The following PCLO variants were observed in gnomAD, a reference collection of about 807,000 sequenced individuals.
PCLO encodes the protein protein piccolo.
In PCLO, 82 loss-of-function variants were observed where a neutral mutation model predicts 427.5. The observed-to-expected ratio is 0.19, with a 90% CI of 0.16 to 0.23. The LOEUF (loss-of-function observed/expected upper bound fraction) is 0.23. Ranked by LOEUF, PCLO falls within the 10% of genes least tolerant of loss-of-function variation. PCLO has a pLI of 1.00. For missense variants in PCLO, 6,239 were observed against 6,115.9 expected (o/e 1.02, Z -0.67); for synonymous variants, 2,357 against 2,155.4 (o/e 1.09, Z -2.59).
chr7:82,998,856 T>C (rs1211458035), intron 3 of PCLO, among the ~76,000 whole-genome samples: 2 of 151,720 alleles, frequency 1.3e-5, no homozygotes, highest in African/African-American at 4.8e-5. Flanking sequence ...GAACCAGGCA[T>C]GGCAGAATGT....
chr7:82,789,121 C>A (rs1199314174), intron 22 of PCLO, among the ~76,000 whole-genome samples: 1 of 151,972 alleles, frequency 6.6e-6, no homozygotes, highest in Non-Finnish European at 1.5e-5. Flanking sequence ...AAATCTCAAT[C>A]TGAGACTGTT....
At chr7:82,789,464 G>C (rs1439088584) in intron 22 of PCLO, among the ~76,000 whole-genome samples, 2 of 152,138 alleles carry the variant, frequency 1.3e-5, no homozygotes, top group Non-Finnish European at 2.9e-5. Flanking sequence ...CCAGCATTTT[G>C]GGAGACTGAG....
At chr7:82,784,950 A>G (rs1462522339) in intron 22 of PCLO, among the ~76,000 whole-genome samples, 1 of 152,224 alleles carries the variant, frequency 6.6e-6, no homozygotes, top group Non-Finnish European at 1.5e-5. Flanking sequence ...AGAAATAAAT[A>G]TATTGCCTCC....
chr7:82,951,098 T>A lies in PCLO; in HGVS notation c.9490A>T (p.Ser3164Cys). 1 of 1,613,828 alleles carries A rather than the reference T, an allele frequency of 6.2e-7. No individual in the cohort carries two copies. The highest frequency in any genetic ancestry group is 8.5e-7 in the Non-Finnish European group (1 of 1,179,788). The change falls in exon 6 of 25, where the codon AGT (serine) becomes TGT (cysteine). Residue 3164 changes from serine to cysteine, a missense_variant. Transcript: ENST00000333891. ...IAVTGIDISA[S>C]LQTITMESLT... ...GACTCCATAGTAATAGTTTGCAAAC[T>A]GGCACTGATATCAATACCAGTTACT...
chr7:82,825,552 G>T (rs1458162661), intron 18 of PCLO, among the ~76,000 whole-genome samples: 2 of 151,014 alleles, frequency 1.3e-5, no homozygotes, highest in South Asian at 2.1e-4. Context: ...ATTTTTTGGA[G>T]ATTATTTTTA....
At chr7:83,106,047 C>T (rs1009025823) in intron 3 of PCLO, among the ~76,000 whole-genome samples, 4 of 152,344 alleles carry the variant, frequency 2.6e-5, no homozygotes, top group Non-Finnish European at 5.9e-5. Context: ...ATAGGACCCA[C>T]ACTAAAGAGA....
chr7:83,044,368 C>G (rs1026827912), intron 3 of PCLO, among the ~76,000 whole-genome samples: 2 of 152,124 alleles, frequency 1.3e-5, no homozygotes, highest in Non-Finnish European at 2.9e-5. Flanking sequence ...AGAAAAATAA[C>G]ACAATTATTT....
intron 8 of PCLO, among the ~76,000 whole-genome samples, chr7:82,906,016 TAGA>T (rs1456906931): frequency 7.0e-6 from 1 of 142,436 alleles, no homozygotes; most frequent in African/African-American, 2.9e-5. Context: ...TATAGATAGA[TAGA>T]TAGATAGATA....
Position 82,970,319 on chromosome 7 carries a change from T to C in PCLO, c.3301-3832A>G, listed in dbSNP as rs568776703. Among the ~76,000 whole-genome samples the C allele has an allele frequency of 4.6e-5, 7 of 152,074 alleles. 1 individual carries two copies. The South Asian group carries it at 1.4e-3, about 31-fold the overall frequency. ...TTTTGTAGAAGAAACTGTAATCCAGTGAAGGTTTCTGTAAAGGAGTAAAAT... is the reference window on the plus strand; with the variant it reads ...TTTTGTAGAAGAAACTGTAATCCAGCGAAGGTTTCTGTAAAGGAGTAAAAT... On this transcript the variant is annotated intron_variant, in intron 3 of 24. Coordinates refer to ENST00000333891, the MANE Select transcript of PCLO (RefSeq NM_033026.6).
In PCLO at chr7:82,915,269, A is replaced by G. The variant is rs754746592; in HGVS notation, c.12717T>C (p.Asp4239=). 1.9e-6 allele frequency: 3 copies of G among 1,613,498 alleles called. No homozygotes were observed. Among genetic ancestry groups the G allele is most frequent in the Non-Finnish European group, 2.5e-6 (3 of 1,179,746 alleles). ...TTTTTCTGAGGCCAAAAGTGATGTCATCTTGAAGGAGCCTTGCCCTGGAGG... is the reference window on the plus strand; with the variant it reads ...TTTTTCTGAGGCCAAAAGTGATGTCGTCTTGAAGGAGCCTTGCCCTGGAGG... ...GISSRARLLQ[D]DITFGLRKNI... is the part of the protein sequence containing the mutation. The change falls in exon 7 of 25, where the codon GAT becomes GAC. Residue 4239 remains aspartate, a synonymous_variant. Coordinates refer to ENST00000333891, the MANE Select transcript of PCLO (RefSeq NM_033026.6).
intron 14 of PCLO, 132 bp from the exon 15 acceptor site, chr7:82,838,474 C>T (rs1792284647): frequency 1.8e-6 from 1 of 567,722 alleles, no homozygotes; most frequent in Non-Finnish European, 3.0e-6. Context: ...TATTTGAAAC[C>T]AAACAGACCA....
chr7:83,127,412 C>T (rs755373722), intron 3 of PCLO, among the ~76,000 whole-genome samples: 38 of 151,896 alleles, frequency 2.5e-4, no homozygotes, highest in Non-Finnish European at 4.4e-4. Flanking sequence ...TAAAAACAAG[C>T]AAAAATCATT....
intron 12 of PCLO, among the ~76,000 whole-genome samples, chr7:82,846,273 G>A (rs2073349859): frequency 6.6e-6 from 1 of 152,086 alleles, no homozygotes; most frequent in African/African-American, 2.4e-5. Flanking sequence ...TTCACAGGAT[G>A]AATTCATATT....
chr7:82,968,337 A>AT (rs1795825683), intron 3 of PCLO, among the ~76,000 whole-genome samples: 1 of 152,118 alleles, frequency 6.6e-6, no homozygotes, highest in Non-Finnish European at 1.5e-5. Context: ...TATAAAAGTC[A>AT]TTGGAAAGAA....
rs183128507 is a variant in PCLO, at chr7:82,987,982, A to C, written c.3301-21495T>G. ...AAAACATGGAGACAGCATATTATCA[A>C]ACACCTAAGTTAAACTGATTAGATT... On this transcript the variant is annotated intron_variant, in intron 3 of 24. Coordinates refer to ENST00000333891, the MANE Select transcript of PCLO (RefSeq NM_033026.6). Among the ~76,000 whole-genome samples the C allele has an allele frequency of 1.4e-4, 21 of 152,276 alleles. No individual in the cohort carries two copies. The East Asian group carries it at 3.9e-3, about 28-fold the overall frequency.
intron 24 of PCLO, among the ~76,000 whole-genome samples, chr7:82,760,299 G>T (rs182874668): frequency 1.1e-3 from 168 of 151,996 alleles, no homozygotes; most frequent in African/African-American, 3.8e-3. Context: ...ATGAACTAAA[G>T]GGATAAGGCA....
At chr7:82,966,678 A>G (rs1398277863) in intron 3 of PCLO, among the ~76,000 whole-genome samples, 191 bp from the exon 4 acceptor site, 4 of 152,140 alleles carry the variant, frequency 2.6e-5, no homozygotes, top group Non-Finnish European at 5.9e-5. Flanking sequence ...TGAACTGTAA[A>G]ACTGTATAGA....
chr7:82,879,489 A>C lies in PCLO; in HGVS notation c.13529-27T>G, dbSNP rs769388313. ...TGTATTAAACAATTAGCAAATTATT[A>C]GTACTAATTTAAGAAGGGACAATAG... On this transcript the variant is annotated intron_variant, in intron 9 of 24. Transcript: ENST00000333891. The C allele has an allele frequency of 2.6e-6, 4 of 1,520,976 alleles. No homozygotes were observed. The Admixed American group carries it at 7.5e-5, about 29-fold the overall frequency. 94.2% of individuals were successfully genotyped at this position (1,520,976 alleles called of 1,614,324 possible).
At chr7:82,936,232 CAATAG>C in intron 6 of PCLO, among the ~76,000 whole-genome samples, 1 of 151,434 alleles carries the variant, frequency 6.6e-6, no homozygotes, top group East Asian at 1.9e-4. Flanking sequence ...TCTTTGACCA[CAATAG>C]AATGAAGGTA....
Sources: gnomAD v4.1 joint callset for allele counts (sites outside exome capture counted in the v4.1 genomes callset) on GRCh38, gnomAD v4.1.1 for gene constraint, MANE v1.5 for transcripts, NCBI Gene and HGNC (gene_info 2026-07-23, HGNC 2026-07-21) for gene names.